Variants in TTC27 observed in about 807,000 individuals in gnomAD.
TTC27 encodes the protein tetratricopeptide repeat protein 27.
TTC27 carries 79 observed loss-of-function variants against 115.9 expected under a neutral mutation model. The observed-to-expected ratio is 0.68, with a 90% CI of 0.57 to 0.82. The LOEUF is 0.82. TTC27 is among the 40% of genes least tolerant of loss of function. TTC27 has a pLI of 0.00. For missense variants in TTC27, 1,054 were observed against 993.1 expected (o/e 1.06, Z -0.82); for synonymous variants, 401 against 356.0 (o/e 1.13, Z -1.42).
intron 12 of TTC27, among the ~76,000 whole-genome samples, chr2:32,751,473 A>G (rs1669012828): frequency 6.6e-6 from 1 of 152,066 alleles, no homozygotes; most frequent in Non-Finnish European, 1.5e-5. Context: ...CTGGTTGCTC[A>G]ATATATCTAA....
intron 10 of TTC27, among the ~76,000 whole-genome samples, chr2:32,732,997 G>A (rs1251701604): frequency 6.6e-6 from 1 of 152,188 alleles, no homozygotes; most frequent in African/African-American, 2.4e-5. Context: ...TGAAGAGGCA[G>A]GAGAAAATGA....
At chr2:32,692,399 G>A (rs1666847575) in intron 9 of TTC27, among the ~76,000 whole-genome samples, 1 of 152,110 alleles carries the variant, frequency 6.6e-6, no homozygotes. Flanking sequence ...AAAGCAGAAC[G>A]GGTTGCCGGG....
At chr2:32,751,160 A>G (rs914400128) in intron 12 of TTC27, among the ~76,000 whole-genome samples, 1 of 152,026 alleles carries the variant, frequency 6.6e-6, no homozygotes, top group African/African-American at 2.4e-5. Flanking sequence ...CCAGAACAGT[A>G]GCTGTAATCA....
At chr2:32,664,274 C>T in intron 5 of TTC27, 29 bp from the exon 6 acceptor site, 10 of 1,568,106 alleles carry the variant, frequency 6.4e-6, no homozygotes, top group Non-Finnish European at 7.8e-6. Context: ...CTCATCATAA[C>T]TTTTAATGTT....
At chr2:32,711,015 G>A (rs1667557518) in intron 10 of TTC27, among the ~76,000 whole-genome samples, 1 of 150,870 alleles carries the variant, frequency 6.6e-6, no homozygotes, top group Non-Finnish European at 1.5e-5. Flanking sequence ...TACTCGAGAG[G>A]CTGAGGCAGA....
intron 2 of TTC27, among the ~76,000 whole-genome samples, chr2:32,631,445 T>C (rs1238452455): frequency 2.0e-5 from 3 of 152,216 alleles, no homozygotes; most frequent in African/African-American, 7.2e-5. Flanking sequence ...AGGAAGCCCT[T>C]GGTTTACCTT....
At chr2:32,670,258 GA>G (rs1665963347) in intron 7 of TTC27, among the ~76,000 whole-genome samples, 1 of 151,952 alleles carries the variant, frequency 6.6e-6, no homozygotes, top group Non-Finnish European at 1.5e-5. Context: ...CAAGATTATT[GA>G]GGAATAATTT....
rs1666528295 is a variant in TTC27, at chr2:32,683,808, TG to T, written c.1119+4887del. Among the ~76,000 whole-genome samples, 9 of 152,300 alleles carry T rather than the reference TG, an allele frequency of 5.9e-5. No individual in the cohort carries two copies. In the South Asian group the frequency reaches 1.9e-3, roughly 32 times the overall value. On this transcript the variant is annotated intron_variant, in intron 9 of 19. Coordinates refer to ENST00000317907, the MANE Select transcript of TTC27 (RefSeq NM_017735.5). Reference sequence around the variant, plus strand: ...AATGTTTTTAATTTCCTTTTATTGTTGAAAATGGGAACAGTTTAGTTAATTC... The same window carrying T: ...AATGTTTTTAATTTCCTTTTATTGTTAAAATGGGAACAGTTTAGTTAATTC...
chr2:32,698,980 A>T (rs938269098), intron 9 of TTC27, among the ~76,000 whole-genome samples: 1 of 152,110 alleles, frequency 6.6e-6, no homozygotes, highest in Admixed American at 6.6e-5. Flanking sequence ...CCCAAAAAAG[A>T]ATCTATTAGG....
chr2:32,691,301 T>C (rs1666799739), intron 9 of TTC27, among the ~76,000 whole-genome samples: 1 of 148,160 alleles, frequency 6.7e-6, no homozygotes, highest in Non-Finnish European at 1.5e-5. Context: ...CATATGAATA[T>C]TTACTTTTTT....
chr2:32,801,397 G>C (rs1670929672), intron 16 of TTC27, among the ~76,000 whole-genome samples: 1 of 152,094 alleles, frequency 6.6e-6, no homozygotes, highest in African/African-American at 2.4e-5. Context: ...GCGTTCCTCG[G>C]CTGTGGCACC....
intron 13 of TTC27, among the ~76,000 whole-genome samples, chr2:32,771,431 A>G (rs1405032664): frequency 6.6e-6 from 1 of 152,244 alleles, no homozygotes; most frequent in Non-Finnish European, 1.5e-5. Flanking sequence ...GTTACTTTGC[A>G]TTGTGAATTA....
chr2:32,790,772 T>G (rs976495895), intron 16 of TTC27, among the ~76,000 whole-genome samples: 3 of 152,088 alleles, frequency 2.0e-5, no homozygotes, highest in Admixed American at 2.0e-4. Context: ...CTGTATAGTT[T>G]GTTATTAGTA....
chr2:32,749,731 A>G (rs1251204626), intron 12 of TTC27, among the ~76,000 whole-genome samples: 1 of 152,202 alleles, frequency 6.6e-6, no homozygotes, highest in Non-Finnish European at 1.5e-5. Flanking sequence ...TGGGTGGCCA[A>G]TTGACTAAGA....
At chr2:32,763,257 T>C (rs571420834) in intron 13 of TTC27, among the ~76,000 whole-genome samples, 4 of 152,336 alleles carry the variant, frequency 2.6e-5, no homozygotes, top group African/African-American at 9.6e-5. Context: ...ACTTGAACAC[T>C]GTAGACTCAT....
At chr2:32,662,346 C>G (rs1382735049) in intron 5 of TTC27, among the ~76,000 whole-genome samples, 1 of 152,114 alleles carries the variant, frequency 6.6e-6, no homozygotes, top group Non-Finnish European at 1.5e-5. Context: ...AGGAATGGTA[C>G]CAGCTCCTCT....
chr2:32,772,566 T>G (rs1669865028), intron 13 of TTC27, among the ~76,000 whole-genome samples: 1 of 152,186 alleles, frequency 6.6e-6, no homozygotes, highest in Middle Eastern at 3.2e-3. Flanking sequence ...CCACACTTTT[T>G]AAAAAATAAA....
intron 16 of TTC27, among the ~76,000 whole-genome samples, chr2:32,789,377 T>A (rs562848768): frequency 2.0e-5 from 3 of 152,172 alleles, no homozygotes; most frequent in Non-Finnish European, 4.4e-5. Flanking sequence ...TCTCTCAGGA[T>A]GAAAAAACAT....
chr2:32,815,785 C>T (rs535595928), intron 18 of TTC27, among the ~76,000 whole-genome samples: 135 of 152,196 alleles, frequency 8.9e-4, no homozygotes, highest in African/African-American at 2.9e-3. Flanking sequence ...ATTAATAATC[C>T]CCGCTATCTC....
Sources: allele counts gnomAD v4.1 joint callset (sites outside exome capture counted in the v4.1 genomes callset), GRCh38; gene constraint gnomAD v4.1.1; transcripts MANE v1.5; gene names NCBI Gene and HGNC (gene_info 2026-07-23, HGNC 2026-07-21).